GAS2L3: variants seen among roughly 807,000 people sequenced by gnomAD.
GAS2L3 encodes the protein GAS2-like protein 3.
A neutral mutation model predicts 37.0 loss-of-function variants in GAS2L3; 28 were observed. The observed-to-expected ratio is 0.76, with a 90% CI of 0.56 to 1.04. The LOEUF (loss-of-function observed/expected upper bound fraction) is 1.04, where lower values mean the gene tolerates loss of function less well. Ranked by LOEUF, GAS2L3 falls within the 50% of genes least tolerant of loss-of-function variation. The probability of loss-of-function intolerance (pLI) is 0.00; values close to 1 mark genes in which losing one functional copy is unlikely to be tolerated. For missense variants in GAS2L3, 793 were observed against 817.6 expected (o/e 0.97, Z 0.37); for synonymous variants, 290 against 296.6 (o/e 0.98, Z 0.23).
chr12:100,604,646 T>G (rs1347876131), intron 5 of GAS2L3, among the ~76,000 whole-genome samples: 1 of 152,012 alleles, frequency 6.6e-6, no homozygotes, highest in Non-Finnish European at 1.5e-5. Flanking sequence ...ATAACAGTGA[T>G]GAAAGTGGGC....
Position 100,624,969 on chromosome 12 carries a change from G to A in GAS2L3, c.*79G>A. ...CATCTTAAAAGTTTCTCCTATTTGT[G>A]TCTGTCTAAATAGGTGCAGACACTA... On this transcript the variant is annotated 3_prime_UTR_variant, in exon 10 of 10. Transcript: ENST00000547754. The A allele has an allele frequency of 1.7e-6, 2 of 1,148,864 alleles. No homozygotes were observed. The highest frequency in any genetic ancestry group is 2.5e-6 in the Non-Finnish European group (2 of 806,574). The allele number at this position is 1,148,864 out of a possible 1,614,324, so 71.2% of individuals were successfully genotyped here. A position where few individuals can be genotyped will look rare whatever the true frequency, so the allele number is the denominator to read the frequency against.
At chr12:100,600,217 C>A (rs1955967840) in intron 3 of GAS2L3, among the ~76,000 whole-genome samples, 165 bp from the exon 4 acceptor site, 1 of 152,150 alleles carries the variant, frequency 6.6e-6, no homozygotes, top group Admixed American at 6.5e-5. Flanking sequence ...CAGAATAGGA[C>A]TAATACTTTG....
At chr12:100,581,119 T>G (rs1173998596) in intron 1 of GAS2L3, among the ~76,000 whole-genome samples, 4 of 152,294 alleles carry the variant, frequency 2.6e-5, no homozygotes, top group African/African-American at 9.6e-5. Flanking sequence ...AGCCTTCGTG[T>G]TTTCTGAGCA....
intron 4 of GAS2L3, 77 bp from the exon 5 acceptor site, chr12:100,601,561 C>G: frequency 1.3e-6 from 1 of 752,218 alleles, no homozygotes; most frequent in Non-Finnish European, 2.4e-6. Context: ...TTGCTGTAAT[C>G]TGATTCTATT....
intron 3 of GAS2L3, among the ~76,000 whole-genome samples, chr12:100,598,784 AGTT>A (rs1281506190): frequency 6.6e-6 from 1 of 152,138 alleles, no homozygotes; most frequent in Non-Finnish European, 1.5e-5. Flanking sequence ...ATTCTTTGAG[AGTT>A]TCTTTACTTT....
At chr12:100,584,531 T>C (rs1263952263) in intron 1 of GAS2L3, among the ~76,000 whole-genome samples, 1 of 152,108 alleles carries the variant, frequency 6.6e-6, no homozygotes, top group Non-Finnish European at 1.5e-5. Flanking sequence ...TTTTCTTAGT[T>C]CTAGATTCAT....
chr12:100,622,242 C>A, intron 8 of GAS2L3, 33 bp from the exon 9 acceptor site: 1 of 1,174,646 alleles, frequency 8.5e-7, no homozygotes, highest in Non-Finnish European at 1.3e-6. Context: ...CTTTTTGTGA[C>A]AAGCACTAAA....
chr12:100,599,804 G>A (rs530610611), intron 3 of GAS2L3, among the ~76,000 whole-genome samples: 2 of 152,292 alleles, frequency 1.3e-5, no homozygotes, highest in South Asian at 4.1e-4. Context: ...CAAGTAACTT[G>A]TTAAACTTAC....
At chr12:100,590,018 C>T (rs1359156196) in intron 1 of GAS2L3, among the ~76,000 whole-genome samples, 2 of 152,094 alleles carry the variant, frequency 1.3e-5, no homozygotes, top group African/African-American at 4.8e-5. Context: ...ATTTAATGAC[C>T]AAGAACCCAA....
At position 100,601,671 on chromosome 12, in the gene GAS2L3, A is replaced by G. The variant is rs1955991348; in HGVS notation, c.221A>G (p.Glu74Gly). 1 of 1,594,938 alleles carries G rather than the reference A, an allele frequency of 6.3e-7. No homozygotes were observed. Among genetic ancestry groups the G allele is most frequent in the Non-Finnish European group, 8.6e-7 (1 of 1,164,514 alleles). Residue 74 changes from glutamate to glycine, a missense_variant, in exon 5 of 10, where the codon GAA becomes GGA. Coordinates refer to ENST00000547754, the MANE Select transcript of GAS2L3 (RefSeq NM_174942.3). Reference sequence around the variant, plus strand: ...GTTAAGGCAGAAAAATTATTGGAAGAACTTGATAATGGAGTACTATTATGT... The same window carrying G: ...GTTAAGGCAGAAAAATTATTGGAAGGACTTGATAATGGAGTACTATTATGT... ...IKVKAEKLLE[E>G]LDNGVLLCQL...
chr12:100,585,733 C>T (rs899763081), intron 1 of GAS2L3, among the ~76,000 whole-genome samples: 9 of 152,154 alleles, frequency 5.9e-5, no homozygotes, highest in African/African-American at 1.9e-4. Flanking sequence ...TTGCCAAATC[C>T]GTTTGTTCTT....
rs184296103 is a variant in GAS2L3 at position 100,591,945 on chromosome 12, A to G, written c.-31+89A>G. 3.3e-5 allele frequency: 5 copies of G among 152,274 alleles called. No homozygotes were observed. The East Asian group carries it at 7.7e-4, about 23-fold the overall frequency. 9.4% of individuals were successfully genotyped at this position (152,274 alleles called of 1,614,324 possible). On this transcript the variant is annotated intron_variant, in intron 2 of 9. Coordinates refer to ENST00000547754, the MANE Select transcript of GAS2L3 (RefSeq NM_174942.3). Reference sequence around the variant, plus strand: ...TATTTTCTTTATTAGGCAGTTAGGAAACATTTAACTCAAAATTTTAAAGCT... The same window carrying G: ...TATTTTCTTTATTAGGCAGTTAGGAGACATTTAACTCAAAATTTTAAAGCT...
At chr12:100,596,641 T>C (rs1955916601) in intron 3 of GAS2L3, among the ~76,000 whole-genome samples, 1 of 152,142 alleles carries the variant, frequency 6.6e-6, no homozygotes, top group Non-Finnish European at 1.5e-5. Context: ...GAATAGCTGT[T>C]ATTAATTGAT....
chr12:100,582,127 C>T (rs1276153302), intron 1 of GAS2L3, among the ~76,000 whole-genome samples: 1 of 152,144 alleles, frequency 6.6e-6, no homozygotes, highest in Non-Finnish European at 1.5e-5. Context: ...AAGGAGTCAG[C>T]AAAGGGAGAT....
chr12:100,579,173 A>G, intron 1 of GAS2L3: 1 of 662,218 alleles, frequency 1.5e-6, no homozygotes, highest in South Asian at 1.7e-5. Flanking sequence ...CCATGCCAAG[A>G]CAATGGGGCT....
chr12:100,578,306 T>C (rs1431974591), intron 1 of GAS2L3, among the ~76,000 whole-genome samples: 1 of 152,146 alleles, frequency 6.6e-6, no homozygotes, highest in Non-Finnish European at 1.5e-5. Flanking sequence ...ACTTAGTGAA[T>C]TTTAATGGTG....
rs1361188716 is a variant in GAS2L3, at chr12:100,628,054, G to A, written c.*3164G>A. The A allele has an allele frequency of 1.3e-5, 2 of 152,112 alleles. No homozygotes were observed. Among genetic ancestry groups the A allele is most frequent in the African/African-American group, 2.4e-5 (1 of 41,436 alleles). 9.4% of individuals were successfully genotyped at this position (152,112 alleles called of 1,614,324 possible). A position where few individuals can be genotyped will look rare whatever the true frequency, so the allele number is the denominator to read the frequency against. ...AGTTTGTCATTCTTTATGGATAAGA[G>A]AACTTAAGGAAAAGTTACTGTTTTT... On this transcript the variant is annotated 3_prime_UTR_variant, in exon 10 of 10. Transcript: ENST00000547754.
chr12:100,622,214 T>C, intron 8 of GAS2L3, 61 bp from the exon 9 acceptor site: 1 of 925,410 alleles, frequency 1.1e-6, no homozygotes, highest in Non-Finnish European at 1.7e-6. Flanking sequence ...CAAATAATAT[T>C]ACACTTTAAA....
chr12:100,599,344 T>C (rs1955954664), intron 3 of GAS2L3, among the ~76,000 whole-genome samples: 1 of 152,248 alleles, frequency 6.6e-6, no homozygotes, highest in African/African-American at 2.4e-5. Flanking sequence ...GTGTCGATTA[T>C]AACATCTATA....
Sources: allele counts gnomAD v4.1 joint callset (sites outside exome capture counted in the v4.1 genomes callset), GRCh38; gene constraint gnomAD v4.1.1; transcripts MANE v1.5; gene names NCBI Gene and HGNC (gene_info 2026-07-23, HGNC 2026-07-21).